The following CTNNA2 variants were observed in gnomAD, a reference collection of about 807,000 sequenced individuals.
CTNNA2 encodes catenin alpha-2.
CTNNA2 carries 42 observed loss-of-function variants against 101.0 expected under a neutral mutation model. The ratio of observed to expected loss-of-function variants is 0.42; its 90% CI spans 0.32 to 0.54. CTNNA2 has a LOEUF of 0.54. Among genes scored for constraint, CTNNA2 ranks in the 20% least tolerant of loss-of-function variants. The pLI is 0.14. For synonymous variants in CTNNA2, 450 were observed against 456.4 expected (o/e 0.99, Z 0.18); for missense variants, 871 against 1,223.1 (o/e 0.71, Z 4.29).
chr2:79,491,643 A>C (rs1454587540), intron 4 of CTNNA2, among the ~76,000 whole-genome samples: 1 of 152,124 alleles, frequency 6.6e-6, no homozygotes, highest in Non-Finnish European at 1.5e-5. Flanking sequence ...CCTTTCCATC[A>C]GAAAGATGTG....
At chr2:79,590,042 C>T (rs1676746945) in intron 1 of CTNNA2, among the ~76,000 whole-genome samples, 1 of 152,068 alleles carries the variant, frequency 6.6e-6, no homozygotes, top group Non-Finnish European at 1.5e-5. Context: ...ATGGTTTTTC[C>T]AGGGGTTATT....
rs1682439540 is a variant in CTNNA2, at chr2:79,869,733, T to C, written c.466-83T>C. 7 of 1,530,518 alleles carry C rather than the reference T, an allele frequency of 4.6e-6. No homozygotes were observed. In the Admixed American group the frequency reaches 1.3e-4, roughly 28 times the overall value. 94.8% of individuals were successfully genotyped at this position (1,530,518 alleles called of 1,614,324 possible). The stretch of plus-strand genomic sequence containing the variant: ...AACACATACTAGTGTTTTAGAGTTT[T>C]TGGGTGCAAATTCCATTTCTAACAT... On this transcript the variant is annotated intron_variant, in intron 4 of 18. Coordinates refer to ENST00000402739, the MANE Select transcript of CTNNA2 (RefSeq NM_001282597.3).
At chr2:79,956,102 C>G (rs1330069782) in intron 7 of CTNNA2, among the ~76,000 whole-genome samples, 1 of 152,172 alleles carries the variant, frequency 6.6e-6, no homozygotes, top group Non-Finnish European at 1.5e-5. Flanking sequence ...ACCCAAGAAG[C>G]TGTGGAGCCT....
chr2:79,510,797 T>C (rs1197901492), upstream of CTNNA2, among the ~76,000 whole-genome samples: 1 of 152,230 alleles, frequency 6.6e-6, no homozygotes, highest in African/African-American at 2.4e-5. Flanking sequence ...ATTTTAGAAA[T>C]GACTTTTAAA....
intron 7 of CTNNA2, among the ~76,000 whole-genome samples, chr2:80,232,925 G>A (rs111230529): frequency 0.012 from 1,753 of 152,278 alleles, 32 homozygotes; most frequent in African/African-American, 0.039. Flanking sequence ...CTGGGATTCA[G>A]CCTAGTTTTT....
chr2:80,452,363 T>G (rs542233088), intron 9 of CTNNA2, among the ~76,000 whole-genome samples: 2 of 151,788 alleles, frequency 1.3e-5, no homozygotes, highest in East Asian at 3.9e-4. Flanking sequence ...CATGGATGAG[T>G]AACACAGATG....
chr2:79,957,998 A>G (rs184872284), intron 7 of CTNNA2, among the ~76,000 whole-genome samples: 23 of 152,268 alleles, frequency 1.5e-4, no homozygotes, highest in Admixed American at 1.2e-3. Context: ...CTTTGAGCTA[A>G]TCAGTCAAAA....
intron 4 of CTNNA2, among the ~76,000 whole-genome samples, chr2:79,443,832 A>G (rs1678801809): frequency 6.6e-6 from 1 of 151,904 alleles, no homozygotes; most frequent in Non-Finnish European, 1.5e-5. Context: ...GTACCAAAGA[A>G]GGGATAAAAT....
At chr2:79,322,501 C>T (rs556233870) in intron 3 of CTNNA2, among the ~76,000 whole-genome samples, 1 of 152,088 alleles carries the variant, frequency 6.6e-6, no homozygotes, top group African/African-American at 2.4e-5. Flanking sequence ...GTCAATTTTC[C>T]AAAACTCTCA....
intron 2 of CTNNA2, among the ~76,000 whole-genome samples, chr2:79,716,913 T>G (rs1357370053): frequency 5.3e-5 from 8 of 151,882 alleles, no homozygotes. Flanking sequence ...ACACTGAAAG[T>G]GGTTGGAAAA....
rs565097549 is a variant in CTNNA2, at chr2:79,215,730, T to C, written c.-406+17654T>C. Among the ~76,000 whole-genome samples the C allele has an allele frequency of 4.7e-4, 71 of 152,276 alleles. No homozygotes were observed. The South Asian group carries it at 0.01, about 22-fold the overall frequency. The stretch of plus-strand genomic sequence containing the variant: ...TTAACCTTGACTATGCCTTTAGCTC[T>C]AGCCACCTTTTTAAGAGGAAATTGC... On this transcript the variant is annotated intron_variant, in intron 2 of 21. Transcript: ENST00000466387.
At chr2:79,258,935 A>G (rs1295719025) in intron 2 of CTNNA2, among the ~76,000 whole-genome samples, 1 of 151,660 alleles carries the variant, frequency 6.6e-6, no homozygotes, top group Non-Finnish European at 1.5e-5. Flanking sequence ...TCCAAGTTAA[A>G]GATAAGTGAG....
intron 7 of CTNNA2, among the ~76,000 whole-genome samples, chr2:80,165,488 ATTGT>A (rs1211895237): frequency 2.6e-5 from 4 of 151,840 alleles, no homozygotes; most frequent in African/African-American, 9.7e-5. Context: ...CCTTCTATTT[ATTGT>A]TTGTTTCAAG....
intron 13 of CTNNA2, among the ~76,000 whole-genome samples, chr2:80,580,799 C>G (rs1388564799): frequency 6.6e-6 from 1 of 152,042 alleles, no homozygotes; most frequent in African/African-American, 2.4e-5. Flanking sequence ...CAGATCACTT[C>G]AGGCCAGGAG....
chr2:79,455,135 T>C (rs1476399640), intron 4 of CTNNA2, among the ~76,000 whole-genome samples: 1 of 152,220 alleles, frequency 6.6e-6, no homozygotes, highest in Non-Finnish European at 1.5e-5. Context: ...TAAAAATGAC[T>C]ATGCTCATCA....
chr2:79,686,967 A>T (rs186140410), intron 2 of CTNNA2, among the ~76,000 whole-genome samples: 33 of 152,310 alleles, frequency 2.2e-4, no homozygotes, highest in Admixed American at 3.9e-4. Flanking sequence ...TGTTAGCATA[A>T]TCAGCTTATG....
intron 13 of CTNNA2, among the ~76,000 whole-genome samples, chr2:80,574,900 T>C (rs1234338001): frequency 6.6e-6 from 1 of 152,284 alleles, no homozygotes; most frequent in African/African-American, 2.4e-5. Context: ...AATTAATATA[T>C]ATATTCACAG....
intron 4 of CTNNA2, among the ~76,000 whole-genome samples, chr2:79,435,934 C>T (rs1162263015): frequency 6.6e-6 from 1 of 152,130 alleles, no homozygotes; most frequent in African/African-American, 2.4e-5. Context: ...TTCAACTAAG[C>T]TTAGGGAGGG....
intron 7 of CTNNA2, among the ~76,000 whole-genome samples, chr2:79,978,428 A>G (rs181804308): frequency 2.4e-4 from 37 of 152,230 alleles, no homozygotes; most frequent in Non-Finnish European, 4.0e-4. Flanking sequence ...TGCTGTGAGA[A>G]CTAAATTGTT....
Sources: allele counts gnomAD v4.1 joint callset (sites outside exome capture counted in the v4.1 genomes callset), GRCh38; gene constraint gnomAD v4.1.1; transcripts MANE v1.5; gene names NCBI Gene and HGNC (gene_info 2026-07-23, HGNC 2026-07-21).